Variants in CRY1 observed in about 807,000 individuals in gnomAD.
CRY1 encodes cryptochrome-1.
A neutral mutation model predicts 76.0 loss-of-function variants in CRY1; 45 were observed. The observed-to-expected ratio is 0.59, with a 90% confidence interval of 0.47 to 0.76. The LOEUF is 0.76. Ranked by LOEUF, CRY1 falls within the 30% of genes least tolerant of loss-of-function variation. CRY1 has a pLI of 0.00. For synonymous variants in CRY1, 248 were observed against 244.0 expected (o/e 1.02, Z -0.15); for missense variants, 587 against 716.4 (o/e 0.82, Z 2.06).
chr12:107,011,719 C>T (rs999401733), intron 2 of CRY1, among the ~76,000 whole-genome samples: 1 of 152,178 alleles, frequency 6.6e-6, no homozygotes, highest in African/African-American at 2.4e-5. Context: ...AAGCTGTCTC[C>T]ATAACCTAAA....
At chr12:107,063,240 CAAG>C (rs933370836) in intron 1 of CRY1, among the ~76,000 whole-genome samples, 1 of 151,984 alleles carries the variant, frequency 6.6e-6, no homozygotes, top group African/African-American at 2.4e-5. Flanking sequence ...TTTTTACATC[CAAG>C]AAGAGGAGGA....
chr12:107,037,701 ATTT>A lies in CRY1; in HGVS notation c.159-15512_159-15510del, dbSNP rs1242014652. Among the ~76,000 whole-genome samples, 16 of 111,890 alleles carry A rather than the reference ATTT, an allele frequency of 1.4e-4. No homozygotes were observed. The East Asian group carries it at 3.5e-3, about 25-fold the overall frequency. The allele number at this position is 111,890 out of a possible 152,430, so 73.4% of individuals were successfully genotyped here. ...AAATTTGTTTTTTAGAAATTATTTT[ATTT>A]ATTTATTTATTTATTTATTTTAGAG... On this transcript the variant is annotated intron_variant, in intron 1 of 12. Transcript: ENST00000008527.
intron 1 of CRY1, among the ~76,000 whole-genome samples, chr12:107,038,672 G>A (rs959990671): frequency 6.6e-6 from 1 of 152,232 alleles, no homozygotes; most frequent in Non-Finnish European, 1.5e-5. Flanking sequence ...TGAAATGATA[G>A]AATAGGAAGT....
intron 1 of CRY1, among the ~76,000 whole-genome samples, chr12:107,072,052 C>CTCAA (rs1953196384): frequency 1.3e-5 from 2 of 152,196 alleles, no homozygotes; most frequent in African/African-American, 4.8e-5. Context: ...GAAACTTGTG[C>CTCAA]TCAAGTAGTA....
chr12:107,066,506 A>T (rs1953112905), intron 1 of CRY1, among the ~76,000 whole-genome samples: 1 of 151,940 alleles, frequency 6.6e-6, no homozygotes, highest in Admixed American at 6.6e-5. Context: ...CCCAGGCTGG[A>T]GTGCAGTGGC....
intron 7 of CRY1, 133 bp downstream of exon 7, chr12:106,999,418 G>A (rs1177022427): frequency 7.8e-6 from 6 of 769,238 alleles, no homozygotes; most frequent in Admixed American, 6.7e-5. Flanking sequence ...CCCCGTATTT[G>A]GGGAATTAAA....
chr12:107,027,594 TTTC>T (rs1391081176), intron 1 of CRY1, among the ~76,000 whole-genome samples: 27 of 152,164 alleles, frequency 1.8e-4, no homozygotes, highest in African/African-American at 5.8e-4. Flanking sequence ...AAAATATATA[TTTC>T]TTCACTTTAA....
At chr12:107,038,979 C>A (rs1952767387) in intron 1 of CRY1, among the ~76,000 whole-genome samples, 1 of 152,104 alleles carries the variant, frequency 6.6e-6, no homozygotes, top group South Asian at 2.1e-4. Context: ...ACACAGAGTG[C>A]TGGGCGTGGT....
In CRY1 at chr12:107,001,313, T is replaced by C. The variant is rs775441530; in HGVS notation, c.651A>G (p.Ala217=). The change falls in exon 5 of 13, where the codon GCA becomes GCG. Residue 217 remains alanine (A), a synonymous_variant. Transcript: ENST00000008527. ...CCAAATGCCTTTCCAAACGAGTAAG[T>C]GCTTCAGTTTCTCCACCTGGCCACA... ...SAVWPGGETE[A]LTRLERHLER... is the part of the protein sequence containing the mutation. 4 of 1,613,684 alleles carry C rather than the reference T, an allele frequency of 2.5e-6. No individual in the cohort carries two copies. In the South Asian group the frequency reaches 3.3e-5, roughly 13 times the overall value.
At chr12:107,009,604 A>ATATATATATG (rs1358673065) in intron 2 of CRY1, among the ~76,000 whole-genome samples, 1 of 29,456 alleles carries the variant, frequency 3.4e-5, no homozygotes, top group African/African-American at 1.9e-4. Context: ...ATATATATAA[A>ATATATATATG]ATCTCTATAT....
At chr12:107,087,289 T>C (rs145792883) in intron 1 of CRY1, among the ~76,000 whole-genome samples, 1 of 151,818 alleles carries the variant, frequency 6.6e-6, no homozygotes, top group Non-Finnish European at 1.5e-5. Flanking sequence ...GTGGAAAGAT[T>C]AAAAGAATCC....
rs1287440512 is a variant in CRY1, at chr12:107,060,374, T to TC, written c.158+32429_158+32430insG. On this transcript the variant is annotated intron_variant, in intron 1 of 12. Transcript: ENST00000008527. ...CAGCCTCCTATTGCTCTCTCTCTCTTGTCCTCTCTTTGCTCTTCTGCCATG... is the reference window on the plus strand; with the variant it reads ...CAGCCTCCTATTGCTCTCTCTCTCTTCGTCCTCTCTTTGCTCTTCTGCCATG... 2.6e-3 allele frequency among the ~76,000 whole-genome samples: 392 copies of TC among 151,932 alleles called. 2 individuals are homozygous for TC. The highest frequency in any genetic ancestry group is 4.5e-3 in the Non-Finnish European group (303 of 67,952).
intron 1 of CRY1, among the ~76,000 whole-genome samples, chr12:107,039,807 A>G (rs950741162): frequency 2.0e-5 from 3 of 152,222 alleles, no homozygotes; most frequent in African/African-American, 7.2e-5. Context: ...CACTCAACTC[A>G]AGGTTTTTAT....
chr12:106,997,156 A>T, intron 10 of CRY1, 138 bp downstream of exon 10: 4 of 728,194 alleles, frequency 5.5e-6, no homozygotes, highest in Non-Finnish European at 9.5e-6. Flanking sequence ...GTGCACATGT[A>T]TGCATGCATA....
intron 5 of CRY1, among the ~76,000 whole-genome samples, chr12:107,000,929 C>T (rs1254869732): frequency 1.3e-5 from 2 of 152,086 alleles, no homozygotes; most frequent in African/African-American, 4.8e-5. Flanking sequence ...GGATTACAGG[C>T]GTAAGCCACC....
chr12:107,053,121 T>C (rs1209372449), intron 1 of CRY1, among the ~76,000 whole-genome samples: 1 of 152,014 alleles, frequency 6.6e-6, no homozygotes, highest in Non-Finnish European at 1.5e-5. Flanking sequence ...AATGGCAGAT[T>C]TGAAAAAGAA....
At chr12:107,079,244 C>CA (rs1953294055) in intron 1 of CRY1, among the ~76,000 whole-genome samples, 1 of 152,092 alleles carries the variant, frequency 6.6e-6, no homozygotes, top group African/African-American at 2.4e-5. Flanking sequence ...GAAACTGGCC[C>CA]AAAAGAGCCA....
At chr12:107,011,305 G>A (rs1006255362) in intron 2 of CRY1, among the ~76,000 whole-genome samples, 4 of 151,582 alleles carry the variant, frequency 2.6e-5, no homozygotes, top group Non-Finnish European at 4.4e-5. Flanking sequence ...AGCTGAGATC[G>A]AGCCATTGCA....
chr12:106,992,427 A>C (rs1952189286), intron 12 of CRY1: 1 of 160,012 alleles, frequency 6.2e-6, no homozygotes, highest in African/African-American at 2.4e-5. Context: ...AGTTCATAAA[A>C]AGATTATATT....
Sources: allele counts gnomAD v4.1 joint callset (sites outside exome capture counted in the v4.1 genomes callset), GRCh38; gene constraint gnomAD v4.1.1; transcripts MANE v1.5; gene names NCBI Gene and HGNC (gene_info 2026-07-23, HGNC 2026-07-21).